The following ITSN2 variants were observed in gnomAD, a reference collection of about 807,000 sequenced individuals.
The protein encoded by ITSN2 is intersectin-2.
In ITSN2, 156 loss-of-function variants were observed where a neutral mutation model predicts 243.7. The observed-to-expected ratio is 0.64, with a 90% CI of 0.56 to 0.73. The LOEUF (loss-of-function observed/expected upper bound fraction) is 0.73, where lower values mean the gene tolerates loss of function less well. ITSN2 is among the 30% of genes least tolerant of loss of function. ITSN2 has a pLI of 0.00. For synonymous variants in ITSN2, 703 were observed against 699.9 expected, an observed-to-expected ratio of 1.00 and a Z score of -0.07; for missense variants, 1,801 against 1,996.1, an observed-to-expected ratio of 0.90 and a Z score of 1.86.
intron 24 of ITSN2, among the ~76,000 whole-genome samples, chr2:24,253,249 G>C (rs13033241): frequency 0.64 from 97,149 of 152,008 alleles, 31,502 homozygotes; most frequent in East Asian, 0.77. Context: ...TCATAAACTT[G>C]AGACGATGAG....
At chr2:24,222,433 G>A (rs1039765811) in intron 29 of ITSN2, among the ~76,000 whole-genome samples, 3 of 151,766 alleles carry the variant, frequency 2.0e-5, no homozygotes, top group Non-Finnish European at 4.4e-5. Flanking sequence ...TTACATAAAG[G>A]CCATGGTGAC....
rs1253986352 is a variant in ITSN2 at position 24,204,218 on chromosome 2, T to C, written c.4936+27A>G. Reference sequence around the variant, plus strand: ...GGATCTAGGAAACTGGGAAAGCCTTTAGATCCCCTGGCTGAGCGACACTTA... The same window carrying C: ...GGATCTAGGAAACTGGGAAAGCCTTCAGATCCCCTGGCTGAGCGACACTTA... On this transcript the variant is annotated intron_variant, in intron 39 of 39. Coordinates refer to ENST00000355123, the MANE Select transcript of ITSN2 (RefSeq NM_006277.3). This position sits in a 1 kb window ranked among gnomAD's most constrained non-coding sequence, Gnocchi z 5.1. 2 of 1,612,272 alleles carry C rather than the reference T, an allele frequency of 1.2e-6. No homozygotes were observed. Among genetic ancestry groups the C allele is most frequent in the African/African-American group, 2.7e-5 (2 of 74,866 alleles).
intron 2 of ITSN2, among the ~76,000 whole-genome samples, chr2:24,324,306 C>T (rs972960988): frequency 6.6e-5 from 10 of 151,924 alleles, no homozygotes; most frequent in Non-Finnish European, 1.5e-4. Flanking sequence ...GTATATATAC[C>T]CCCGGGCAGT....
chr2:24,274,055 T>C (rs1399459304), intron 18 of ITSN2, among the ~76,000 whole-genome samples: 1 of 152,166 alleles, frequency 6.6e-6, no homozygotes, highest in Non-Finnish European at 1.5e-5. Context: ...TCTTTTGGCC[T>C]GAAAGGAATT....
intron 29 of ITSN2, among the ~76,000 whole-genome samples, chr2:24,223,589 G>T (rs2151162679): frequency 6.6e-6 from 1 of 151,798 alleles, no homozygotes; most frequent in Non-Finnish European, 1.5e-5. Context: ...GGAGGCTAAG[G>T]CTGGGAGGAC....
chr2:24,336,128 G>A (rs1215097157), intron 1 of ITSN2, among the ~76,000 whole-genome samples: 2 of 151,494 alleles, frequency 1.3e-5, no homozygotes, highest in Admixed American at 6.6e-5. Context: ...TGTAGTCCCA[G>A]CTACTTGGGA....
intron 29 of ITSN2, among the ~76,000 whole-genome samples, chr2:24,221,954 A>C (rs1322289338): frequency 6.6e-6 from 1 of 152,234 alleles, no homozygotes; most frequent in African/African-American, 2.4e-5. Flanking sequence ...CTTAGAAAAA[A>C]AAGCAAAAGC....
rs553479581 is a variant in ITSN2, at chr2:24,225,356, T to C, written c.3578-4290A>G. Among the ~76,000 whole-genome samples the C allele has an allele frequency of 3.3e-5, 5 of 152,324 alleles. No individual in the cohort carries two copies. In the South Asian group the frequency reaches 8.3e-4, roughly 25 times the overall value. On this transcript the variant is annotated intron_variant, in intron 29 of 39. Coordinates refer to ENST00000355123, the MANE Select transcript of ITSN2 (RefSeq NM_006277.3). This position sits in a 1 kb window ranked among gnomAD's most constrained non-coding sequence, Gnocchi z 4.2. ...GTTTACACCCATGGCCAACTCTCGC[T>C]AGCTTTCCCTGTCACATCTCCACTC...
intron 20 of ITSN2, among the ~76,000 whole-genome samples, chr2:24,267,076 T>C (rs945382939): frequency 1.3e-5 from 2 of 152,206 alleles, no homozygotes; most frequent in African/African-American, 4.8e-5. Flanking sequence ...CTGATTTAAA[T>C]GTATTGTCTT....
intron 2 of ITSN2, among the ~76,000 whole-genome samples, chr2:24,317,869 G>C (rs935834066): frequency 1.2e-4 from 19 of 152,134 alleles, no homozygotes; most frequent in Admixed American, 8.5e-4. Context: ...TTGACTCCTG[G>C]CAGACTGACT....
At chr2:24,279,378 T>C (rs1678456636) in intron 17 of ITSN2, among the ~76,000 whole-genome samples, 1 of 152,248 alleles carries the variant, frequency 6.6e-6, no homozygotes, top group African/African-American at 2.4e-5. Context: ...ACTGGTTGAC[T>C]TTCCAAAATA....
At chr2:24,208,168 T>A (rs961810478) in intron 37 of ITSN2, 69 bp downstream of exon 37, 1 of 1,289,294 alleles carries the variant, frequency 7.8e-7, no homozygotes. Flanking sequence ...TCAGCCTGAC[T>A]GCAGGAGCAG....
intron 1 of ITSN2, among the ~76,000 whole-genome samples, chr2:24,337,343 T>TATATATATATATAC (rs1558650809): frequency 1.7e-5 from 2 of 119,514 alleles, no homozygotes; most frequent in African/African-American, 3.2e-5. Context: ...TATATATATA[T>TATATATATATATAC]ATATATATAT....
chr2:24,210,382 C>T (rs1441163142), intron 34 of ITSN2: 16 of 293,718 alleles, frequency 5.4e-5, no homozygotes, highest in Non-Finnish European at 8.3e-5. Context: ...GAGACAGAGG[C>T]GGGAGGATCA....
chr2:24,254,210 T>C (rs1674725254), intron 24 of ITSN2, among the ~76,000 whole-genome samples, 157 bp downstream of exon 24: 2 of 152,178 alleles, frequency 1.3e-5, no homozygotes, highest in South Asian at 4.1e-4. Flanking sequence ...TCATGTGAAA[T>C]AGATAGGGGC....
At chr2:24,329,322 G>A (rs1033506268) in intron 1 of ITSN2, among the ~76,000 whole-genome samples, 7 of 152,018 alleles carry the variant, frequency 4.6e-5, no homozygotes, top group African/African-American at 1.2e-4. Context: ...GTGCAGTGGC[G>A]CAGTCTTGGC....
chr2:24,271,605 T>C (rs1009755585), intron 19 of ITSN2, among the ~76,000 whole-genome samples, 161 bp downstream of exon 19: 4 of 152,234 alleles, frequency 2.6e-5, no homozygotes, highest in Non-Finnish European at 5.9e-5. Context: ...CAGTCTGTTT[T>C]AATAAGCCTA....
intron 27 of ITSN2, among the ~76,000 whole-genome samples, chr2:24,247,200 G>A (rs948301032): frequency 7.9e-5 from 12 of 152,090 alleles, no homozygotes; most frequent in Admixed American, 1.3e-4. Flanking sequence ...TCAGAAAAAC[G>A]GGCAATCAAC....
chr2:24,275,562 C>A (rs893385615), intron 18 of ITSN2, 151 bp downstream of exon 18: 64 of 487,276 alleles, frequency 1.3e-4, no homozygotes, highest in Non-Finnish European at 1.9e-4. Flanking sequence ...TTACTGCAAA[C>A]TTGATCCCTA....
Sources: gnomAD v4.1 joint callset for allele counts (sites outside exome capture counted in the v4.1 genomes callset) on GRCh38, gnomAD v4.1.1 for gene constraint, Gnocchi (gnomAD v3.1) non-coding constraint, MANE v1.5 for transcripts, NCBI Gene and HGNC (gene_info 2026-07-23, HGNC 2026-07-21) for gene names.